The following XPC variants were observed in gnomAD, a reference collection of about 807,000 sequenced individuals.
The protein encoded by XPC is DNA repair protein complementing XP-C cells.
Under a neutral mutation model 95.8 loss-of-function variants are expected in XPC, and 76 were observed. That is an observed-to-expected ratio of 0.79 (90% CI 0.66 to 0.96). The LOEUF (loss-of-function observed/expected upper bound fraction) is 0.96. Ranked by LOEUF, XPC falls within the 40% of genes least tolerant of loss-of-function variation. The pLI is 0.00. For synonymous variants in XPC, 442 were observed against 442.1 expected (o/e 1.00, Z 0.00); for missense variants, 1,146 against 1,179.8 (o/e 0.97, Z 0.42).
At position 14,156,498 on chromosome 3, in the gene XPC, G is replaced by A. The variant is rs1407176733; in HGVS notation, c.1873-3C>T. The A allele has an allele frequency of 6.2e-7, 1 of 1,613,826 alleles. No homozygotes were observed. Among genetic ancestry groups the A allele is most frequent in the African/African-American group, 1.3e-5 (1 of 75,044 alleles). On this transcript the variant is annotated splice_polypyrimidine_tract_variant and splice_region_variant and intron_variant, in intron 9 of 15. Coordinates refer to ENST00000285021, the MANE Select transcript of XPC (RefSeq NM_004628.5). ...TGGTCCATGTGTTTAGCCTGAAACT[G>A]CAAAGGCCAGACAGACAAGGTTGAG...
intron 10 of XPC, 67 bp from the exon 11 acceptor site, chr3:14,152,483 T>C (rs1695734354): frequency 6.8e-7 from 1 of 1,475,236 alleles, no homozygotes; most frequent in Non-Finnish European, 9.2e-7. Flanking sequence ...TGCGGGACAG[T>C]GGAGAGCGCA....
chr3:14,166,546 C>G (rs1020793612), intron 5 of XPC, among the ~76,000 whole-genome samples: 1 of 150,888 alleles, frequency 6.6e-6, no homozygotes, highest in Non-Finnish European at 1.5e-5. Context: ...ATACTCCACA[C>G]ACGCAGGTGA....
At position 14,148,579 on chromosome 3, in the gene XPC, G is replaced by A. The variant is rs1336401285; in HGVS notation, c.2403C>T (p.Gly801=). The change falls in exon 13 of 16, where the codon GGC becomes GGT. Residue 801 remains glycine (G), a synonymous_variant. Transcript: ENST00000285021. Reference sequence around the variant, plus strand: ...TCACGCACACGGGATGGGAGTAGCCGCCATGGAAATCAAAGCCAGTGATGG... The same window carrying A: ...TCACGCACACGGGATGGGAGTAGCCACCATGGAAATCAAAGCCAGTGATGG... The part of the protein sequence containing the change: ...VQAITGFDFH[G]GYSHPVTDGY... The A allele has an allele frequency of 2.9e-5, 46 of 1,613,748 alleles. No individual in the cohort carries two copies. The highest frequency in any genetic ancestry group is 3.3e-5 in the Admixed American group (2 of 59,998).
At chr3:14,149,089 CTTT>C (rs111520695) in intron 11 of XPC, 141 bp from the exon 12 acceptor site, 94 of 994,028 alleles carry the variant, frequency 9.5e-5, no homozygotes, top group Admixed American at 1.1e-4. Context: ...CTTTTTCTCC[CTTT>C]TTTTTTTTTG....
At chr3:14,165,828 C>T in intron 5 of XPC, 3 of 473,468 alleles carry the variant, frequency 6.3e-6, no homozygotes, top group South Asian at 2.8e-5. Context: ...ATACAAATTG[C>T]TTTGTTTTCA....
At chr3:14,156,275 A>G in intron 10 of XPC, 60 bp downstream of exon 10, 1 of 1,553,642 alleles carries the variant, frequency 6.4e-7, no homozygotes, top group Non-Finnish European at 8.7e-7. Flanking sequence ...GCCTAGGAAG[A>G]AGGCTGCTAA....
Position 14,145,842 on chromosome 3 carries a change from G to C in XPC, c.*99C>G, listed in dbSNP as rs2125003933. The C allele has an allele frequency of 6.9e-7, 1 of 1,452,192 alleles. No homozygotes were observed. Among genetic ancestry groups the C allele is most frequent in the Non-Finnish European group, 9.5e-7 (1 of 1,055,438 alleles). The allele number at this position is 1,452,192 out of a possible 1,614,324, so 90.0% of individuals were successfully genotyped here. A position where few individuals can be genotyped will look rare whatever the true frequency, so the allele number is the denominator to read the frequency against. ...TGCCTCAGTTTGCCTTCTCAGCAGA[G>C]AAGCCCCCACCACCAGGGGCTGGGC... On this transcript the variant is annotated 3_prime_UTR_variant, in exon 16 of 16. Transcript: ENST00000285021.
Position 14,157,993 on chromosome 3 carries a change from T to C in XPC, c.1872+18A>G, listed in dbSNP as rs1376454527. 6.3e-7 allele frequency: 1 copy of C among 1,581,048 alleles called. No homozygotes were observed. Among genetic ancestry groups the C allele is most frequent in the Admixed American group, 1.7e-5 (1 of 57,570 alleles). On this transcript the variant is annotated intron_variant, in intron 9 of 15. Coordinates refer to ENST00000285021, the MANE Select transcript of XPC (RefSeq NM_004628.5). ...TAACCTGACTGTGTCTTGGAGCCCC[T>C]GGCAGCCAAGGCCTTACCTCCAAGT...
At position 14,152,689 on chromosome 3, in the gene XPC, C is replaced by T. The variant is rs3731148; in HGVS notation, c.2034-273G>A. ...TCCTCCCCTTCATAGGTTTTCTTCTCCTCTGCTGTCCAGAGCCTGTGAGAG... is the reference window on the plus strand; with the variant it reads ...TCCTCCCCTTCATAGGTTTTCTTCTTCTCTGCTGTCCAGAGCCTGTGAGAG... On this transcript the variant is annotated intron_variant, in intron 10 of 15. Coordinates refer to ENST00000285021, the MANE Select transcript of XPC (RefSeq NM_004628.5). The T allele has an allele frequency of 0.011, 4,130 of 381,820 alleles. 155 individuals carry two copies. Among genetic ancestry groups the T allele is most frequent in the African/African-American group, 0.08 (3,768 of 47,040 alleles). 23.7% of individuals were successfully genotyped at this position (381,820 alleles called of 1,614,324 possible).
intron 9 of XPC, among the ~76,000 whole-genome samples, chr3:14,157,644 G>A (rs1695972388): frequency 6.6e-6 from 1 of 152,068 alleles, no homozygotes; most frequent in South Asian, 2.1e-4. Flanking sequence ...TTACATTCAC[G>A]CATGATGGGG....
chr3:14,164,907 G>A lies in XPC; in HGVS notation c.806C>T (p.Ala269Val). The A allele has an allele frequency of 6.2e-7, 1 of 1,612,368 alleles. No homozygotes were observed. The highest frequency in any genetic ancestry group is 8.5e-7 in the Non-Finnish European group (1 of 1,179,176). ...KWFIGTFTVN[A>V]ELSASEQDNL... The stretch of plus-strand genomic sequence containing the variant: ...ATCTTGTTCACTGGCTGAAAGTTCT[G>A]CATTAACTGTAAATGTTCCAATGAA... Residue 269 changes from alanine to valine, a missense_variant, in exon 7 of 16, where the codon GCA (alanine) becomes GTA (valine). By Grantham distance (64) the Ala-to-Val change is moderately conservative. Coordinates refer to ENST00000285021, the MANE Select transcript of XPC (RefSeq NM_004628.5).
chr3:14,171,571 G>C (rs926299126), intron 2 of XPC, among the ~76,000 whole-genome samples: 1 of 152,212 alleles, frequency 6.6e-6, no homozygotes, highest in African/African-American at 2.4e-5. Context: ...AAGGCCAGGC[G>C]CAATGGCTCA....
intron 2 of XPC, 112 bp from the exon 3 acceptor site, chr3:14,170,662 C>T: frequency 1.3e-6 from 1 of 778,058 alleles, no homozygotes; most frequent in Non-Finnish European, 2.1e-6. Flanking sequence ...TCTGTTGCAA[C>T]TATTTAAAGA....
In XPC at chr3:14,148,851, G is replaced by A; in HGVS notation, c.2213C>T (p.Thr738Ile). Residue 738 changes from threonine to isoleucine, a missense_variant, in exon 12 of 16, where the codon ACA becomes ATA. Thr to Ile is a moderately conservative substitution (Grantham distance 89, BLOSUM62 -1). Coordinates refer to ENST00000285021, the MANE Select transcript of XPC (RefSeq NM_004628.5). The stretch of plus-strand genomic sequence containing the variant: ...GGCCACTGGGGGCTGATACTCCTCT[G>A]TCTGCCAGTAGCCAAACAGGCCCAG... Reference protein sequence around the residue: ...NDLGLFGYWQTEEYQPPVAVD... With the variant: ...NDLGLFGYWQIEEYQPPVAVD... The A allele has an allele frequency of 3.1e-6, 5 of 1,614,020 alleles. No individual in the cohort carries two copies. The highest frequency in any genetic ancestry group is 4.2e-6 in the Non-Finnish European group (5 of 1,179,898).
Position 14,164,553 on chromosome 3 carries a change from C to T in XPC, c.900+260G>A, listed in dbSNP as rs1696293970. ...CAAAAACTACGGGCTTTTTGGTACA[C>T]CACAACTAGAGGCGATAGGGAGGAA... On this transcript the variant is annotated intron_variant, in intron 7 of 15. Coordinates refer to ENST00000285021, the MANE Select transcript of XPC (RefSeq NM_004628.5). 9 of 348,906 alleles carry T rather than the reference C, an allele frequency of 2.6e-5. No individual in the cohort carries two copies. In the South Asian group the frequency reaches 6.0e-4, roughly 23 times the overall value. The allele number at this position is 348,906 out of a possible 1,614,324, so 21.6% of individuals were successfully genotyped here.
intron 14 of XPC, 29 bp from the exon 15 acceptor site, chr3:14,147,408 G>C (rs527486020): frequency 6.3e-7 from 1 of 1,577,736 alleles, no homozygotes; most frequent in African/African-American, 1.3e-5. Context: ...TGGGAGAAAA[G>C]TGTTAAGCAC....
At chr3:14,149,070 G>C in intron 11 of XPC, 122 bp from the exon 12 acceptor site, 1 of 1,394,252 alleles carries the variant, frequency 7.2e-7, no homozygotes, top group Non-Finnish European at 9.7e-7. Context: ...ACACCTACCA[G>C]CTGGGGTGCT....
intron 7 of XPC, among the ~76,000 whole-genome samples, chr3:14,162,227 C>T (rs963553756): frequency 6.6e-6 from 1 of 152,178 alleles, no homozygotes; most frequent in African/African-American, 2.4e-5. Context: ...AATTAATCTA[C>T]AGATCAGTGC....
chr3:14,172,742 TAGA>T (rs1696660744), intron 2 of XPC, 122 bp downstream of exon 2: 1 of 1,132,744 alleles, frequency 8.8e-7, no homozygotes. Context: ...GAGTTGTACC[TAGA>T]AGAATTTAAA....
Sources: allele counts gnomAD v4.1 joint callset (sites outside exome capture counted in the v4.1 genomes callset), GRCh38; gene constraint gnomAD v4.1.1; transcripts MANE v1.5; gene names NCBI Gene and HGNC (gene_info 2026-07-23, HGNC 2026-07-21).